Variants in METTL14 observed in about 807,000 individuals in gnomAD.
METTL14 encodes N(6)-adenosine-methyltransferase non-catalytic subunit METTL14.
In METTL14, 32 loss-of-function variants were observed where a neutral mutation model predicts 62.4. The ratio of observed to expected loss-of-function variants is 0.51; its 90% CI spans 0.39 to 0.69. The LOEUF (loss-of-function observed/expected upper bound fraction) is 0.69. Among genes scored for constraint, METTL14 ranks in the 30% least tolerant of loss-of-function variants. The pLI is 0.00. For missense variants in METTL14, 340 were observed against 551.9 expected (o/e 0.62, Z 3.85); for synonymous variants, 150 against 180.0 (o/e 0.83, Z 1.34).
rs192789428 is a variant in METTL14, at chr4:118,712,521, G to A, written c.*2219G>A. 1,333 of 152,296 alleles carry A rather than the reference G, an allele frequency of 8.8e-3. 11 individuals carry two copies. Among genetic ancestry groups the A allele is most frequent in the Non-Finnish European group, 0.013 (906 of 68,096 alleles). The allele number at this position is 152,296 out of a possible 1,614,324, so 9.4% of individuals were successfully genotyped here. A position where few individuals can be genotyped will look rare whatever the true frequency, so the allele number is the denominator to read the frequency against. ...TGTAATCCCCGCTACTCGGGAGGCT[G>A]TGGCAGGAGAATTGCCTGAACCCAG... On this transcript the variant is annotated 3_prime_UTR_variant, in exon 11 of 11. Transcript: ENST00000388822.
chr4:118,685,429 C>G lies in METTL14; in HGVS notation c.-106C>G, dbSNP rs770200154. The G allele has an allele frequency of 8.7e-6, 10 of 1,144,564 alleles. No homozygotes were observed. The highest frequency in any genetic ancestry group is 1.3e-5 in the Non-Finnish European group (10 of 759,106). 70.9% of individuals were successfully genotyped at this position (1,144,564 alleles called of 1,614,324 possible). ...AGGAAAGCTATGAGGATACTCTGTT[C>G]GTAAGCTCCCGGTGAATTTTGTTCC... On this transcript the variant is annotated 5_prime_UTR_variant, in exon 1 of 11. Transcript: ENST00000388822.
intron 2 of METTL14, among the ~76,000 whole-genome samples, chr4:118,688,263 C>A (rs573918027): frequency 1.3e-5 from 2 of 152,124 alleles, no homozygotes; most frequent in Non-Finnish European, 2.9e-5. Flanking sequence ...ATGGTGAAAT[C>A]CCATCTCTAC....
intron 3 of METTL14, among the ~76,000 whole-genome samples, chr4:118,691,261 AT>A (rs1724237837): frequency 6.6e-6 from 1 of 152,162 alleles, no homozygotes; most frequent in South Asian, 2.1e-4. Context: ...TCTAACACTT[AT>A]AGTATTGTAT....
Position 118,689,511 on chromosome 4 carries a change from T to G in METTL14, c.243+54T>G, listed in dbSNP as rs1235484276. 5 of 1,020,730 alleles carry G rather than the reference T, an allele frequency of 4.9e-6. No individual in the cohort carries two copies. In the South Asian group the frequency reaches 6.0e-5, roughly 12 times the overall value. 63.2% of individuals were successfully genotyped at this position (1,020,730 alleles called of 1,614,324 possible). A position where few individuals can be genotyped will look rare whatever the true frequency, so the allele number is the denominator to read the frequency against. ...TCAAAGAAAACATAAATCCAAATGA[T>G]AGATTCATATCCAGGAAAACAAATT... On this transcript the variant is annotated intron_variant, in intron 3 of 10. Coordinates refer to ENST00000388822, the MANE Select transcript of METTL14 (RefSeq NM_020961.4).
chr4:118,714,008 A>G lies in METTL14; in HGVS notation c.*3706A>G, dbSNP rs189413544. 7.4e-4 allele frequency: 113 copies of G among 152,336 alleles called. No individual in the cohort carries two copies. The highest frequency in any genetic ancestry group is 2.6e-3 in the African/African-American group (108 of 41,584). The allele number at this position is 152,336 out of a possible 1,614,324, so 9.4% of individuals were successfully genotyped here. A position where few individuals can be genotyped will look rare whatever the true frequency, so the allele number is the denominator to read the frequency against. On this transcript the variant is annotated 3_prime_UTR_variant, in exon 11 of 11. Transcript: ENST00000388822. ...TCAGTTTGAGTGTATGTTAGAGTTC[A>G]TGTTTCTGTAACTAAAGGTGCTAAT...
rs1177890807 is a variant in METTL14 at position 118,694,419 on chromosome 4, C to T, written c.413-17C>T. 1 of 1,594,572 alleles carries T rather than the reference C, an allele frequency of 6.3e-7. No homozygotes were observed. Among genetic ancestry groups the T allele is most frequent in the African/African-American group, 1.3e-5 (1 of 74,086 alleles). ...TCAGTTGAGATGAATTCAGAATTTA[C>T]TATTTTTTCTGCTCAGGTTTAGCTG... On this transcript the variant is annotated splice_polypyrimidine_tract_variant and intron_variant, in intron 5 of 10. Coordinates refer to ENST00000388822, the MANE Select transcript of METTL14 (RefSeq NM_020961.4).
chr4:118,696,095 G>T (rs1336881994), intron 6 of METTL14, among the ~76,000 whole-genome samples: 1 of 105,464 alleles, frequency 9.5e-6, no homozygotes, highest in Admixed American at 1.5e-4. Flanking sequence ...CTCCAGCCTG[G>T]CAACAGAGTG....
At chr4:118,699,803 A>T (rs1724533924) in intron 7 of METTL14, among the ~76,000 whole-genome samples, 2 of 152,134 alleles carry the variant, frequency 1.3e-5, no homozygotes, top group African/African-American at 4.8e-5. Context: ...ATACTGAAAA[A>T]TTTTGTCTGG....
At chr4:118,690,035 CTTTT>C (rs70941200) in intron 3 of METTL14, among the ~76,000 whole-genome samples, 2 of 86,640 alleles carry the variant, frequency 2.3e-5, no homozygotes, top group South Asian at 4.8e-4. Flanking sequence ...TAATAATATT[CTTTT>C]TTTTTTTTTT....
chr4:118,705,737 G>T lies in METTL14; in HGVS notation c.982G>T (p.Val328Leu). 1 of 1,614,038 alleles carries T rather than the reference G, an allele frequency of 6.2e-7. No individual in the cohort carries two copies. The highest frequency in any genetic ancestry group is 8.5e-7 in the Non-Finnish European group (1 of 1,179,954). Residue 328 changes from valine to leucine, a missense_variant, in exon 10 of 11, where the codon GTA (valine) becomes TTA (leucine). Around this residue, in one of 7 missense-constraint regions of METTL14, gnomAD observed 62 missense variants for 82.3 expected, o/e 0.75. Coordinates refer to ENST00000388822, the MANE Select transcript of METTL14 (RefSeq NM_020961.4). ...TGAAATTGGCAATATAGAAAAACCTGTAGAAATTTTTCATATAATTGAGCA... is the reference window on the plus strand; with the variant it reads ...TGAAATTGGCAATATAGAAAAACCTTTAGAAATTTTTCATATAATTGAGCA... ...EPEIGNIEKP[V>L]EIFHIIEHFC...
rs748959635 is a variant in METTL14, at chr4:118,689,324, T to C, written c.156-46T>C. 4.9e-6 allele frequency: 5 copies of C among 1,026,194 alleles called. No individual in the cohort carries two copies. The Admixed American group carries it at 9.4e-5, about 19-fold the overall frequency. The allele number at this position is 1,026,194 out of a possible 1,614,324, so 63.6% of individuals were successfully genotyped here. On this transcript the variant is annotated intron_variant, in intron 2 of 10. Coordinates refer to ENST00000388822, the MANE Select transcript of METTL14 (RefSeq NM_020961.4). ...TTATTATTATTAATAGATGCATTTA[T>C]ACATCTTGTATATATTTATGGGTAA...
intron 1 of METTL14, 76 bp from the exon 2 acceptor site, chr4:118,687,847 A>G: frequency 1.7e-6 from 2 of 1,175,400 alleles, no homozygotes; most frequent in East Asian, 2.4e-5. Flanking sequence ...TATTTAATGT[A>G]TTAAATGCTG....
intron 8 of METTL14, among the ~76,000 whole-genome samples, chr4:118,701,479 C>G (rs1006591198): frequency 2.6e-5 from 4 of 152,138 alleles, no homozygotes; most frequent in Non-Finnish European, 5.9e-5. Flanking sequence ...AGCCACCACC[C>G]CTGGCCCTGA....
chr4:118,707,403 C>G (rs1724786657), intron 10 of METTL14, among the ~76,000 whole-genome samples: 1 of 152,186 alleles, frequency 6.6e-6, no homozygotes, highest in Admixed American at 6.5e-5. Context: ...GTGACTCAAG[C>G]CTGTAATCCC....
chr4:118,708,494 C>T (rs1168743227), intron 10 of METTL14, among the ~76,000 whole-genome samples: 1 of 152,144 alleles, frequency 6.6e-6, no homozygotes, highest in Non-Finnish European at 1.5e-5. Context: ...TGCTCTTGAT[C>T]ATGGTATCTG....
At chr4:118,689,760 C>T (rs1368213517) in intron 3 of METTL14, among the ~76,000 whole-genome samples, 2 of 151,350 alleles carry the variant, frequency 1.3e-5, no homozygotes, top group African/African-American at 4.8e-5. Flanking sequence ...TCTTCTGCCT[C>T]AGCCTCCCAA....
rs1308915035 is a variant in METTL14 at position 118,685,608 on chromosome 4, G to C, written c.66+8G>C. On this transcript the variant is annotated splice_region_variant and intron_variant, in intron 1 of 10. Coordinates refer to ENST00000388822, the MANE Select transcript of METTL14 (RefSeq NM_020961.4). Reference sequence around the variant, plus strand: ...CAGCTCCTCGCGCAGCAGGTCCGCGGCCCTGGTGTCCCCTGTGGGAGGGAT... The same window carrying C: ...CAGCTCCTCGCGCAGCAGGTCCGCGCCCCTGGTGTCCCCTGTGGGAGGGAT... 3 of 1,613,736 alleles carry C rather than the reference G, an allele frequency of 1.9e-6. No homozygotes were observed. The highest frequency in any genetic ancestry group is 2.5e-6 in the Non-Finnish European group (3 of 1,179,826).
chr4:118,700,992 T>C (rs1371007292), intron 8 of METTL14, among the ~76,000 whole-genome samples: 2 of 152,062 alleles, frequency 1.3e-5, no homozygotes, highest in Non-Finnish European at 2.9e-5. Flanking sequence ...TATGAGTAGC[T>C]AAAAGTATTC....
chr4:118,710,489 T>C lies in METTL14; in HGVS notation c.*187T>C. The C allele has an allele frequency of 1.7e-6, 1 of 583,988 alleles. No individual in the cohort carries two copies. Among genetic ancestry groups the C allele is most frequent in the Non-Finnish European group, 3.0e-6 (1 of 337,412 alleles). 36.2% of individuals were successfully genotyped at this position (583,988 alleles called of 1,614,324 possible). On this transcript the variant is annotated 3_prime_UTR_variant, in exon 11 of 11. Transcript: ENST00000388822. ...ACACACTGTCTGGTTTTTTTCAGGA[T>C]AAATGAATGATTCTGCCTTTTGTTA...
Sources: gnomAD v4.1 joint callset for allele counts (sites outside exome capture counted in the v4.1 genomes callset) on GRCh38, gnomAD v4.1.1 for gene constraint, gnomAD v4.1.1 regional missense constraint, MANE v1.5 for transcripts, NCBI Gene and HGNC (gene_info 2026-07-23, HGNC 2026-07-21) for gene names.